GUCY1A2: variants seen among roughly 807,000 people sequenced by gnomAD.
The protein encoded by GUCY1A2 is guanylate cyclase 1 soluble subunit alpha 2, also known as guanylate cyclase soluble subunit alpha-2.
GUCY1A2 carries 27 observed loss-of-function variants against 63.5 expected under a neutral mutation model. The ratio of observed to expected loss-of-function variants is 0.43; its 90% confidence interval spans 0.31 to 0.59. The LOEUF (loss-of-function observed/expected upper bound fraction) is 0.59. Among genes scored for constraint, GUCY1A2 ranks in the 20% least tolerant of loss-of-function variants. The pLI is 0.11. For synonymous variants in GUCY1A2, 364 were observed against 343.5 expected (o/e 1.06, Z -0.66); for missense variants, 768 against 913.3 (o/e 0.84, Z 2.05).
chr11:106,902,917 T>C (rs1315595785), intron 4 of GUCY1A2, among the ~76,000 whole-genome samples: 1 of 152,182 alleles, frequency 6.6e-6, no homozygotes, highest in Admixed American at 6.5e-5. Flanking sequence ...TCCGTGGATT[T>C]TGGCACCCAT....
chr11:106,985,559 T>C (rs919560115), intron 2 of GUCY1A2, among the ~76,000 whole-genome samples: 15 of 152,226 alleles, frequency 9.9e-5, no homozygotes, highest in African/African-American at 3.4e-4. Context: ...GTCCTGTCTT[T>C]TGACATCAAG....
Position 106,681,418 on chromosome 11 carries a change from A to G in GUCY1A2, c.*6131T>C, listed in dbSNP as rs1049152921. 4 of 225,060 alleles carry G rather than the reference A, an allele frequency of 1.8e-5. No homozygotes were observed. The highest frequency in any genetic ancestry group is 2.7e-5 in the Non-Finnish European group (3 of 112,952). The allele number at this position is 225,060 out of a possible 1,614,324, so 13.9% of individuals were successfully genotyped here. On this transcript the variant is annotated 3_prime_UTR_variant, in exon 8 of 8. Transcript: ENST00000526355. ...ACTTCCACTCATTTATCCATCCTTA[A>G]CTTCTTCCTTACTATTATATACTAC...
In GUCY1A2 at chr11:106,845,226, G is replaced by A. The variant is rs192433625; in HGVS notation, c.1207-34748C>T. On this transcript the variant is annotated intron_variant, in intron 4 of 7. Coordinates refer to ENST00000526355, the MANE Select transcript of GUCY1A2 (RefSeq NM_000855.3). Reference sequence around the variant, plus strand: ...ATGGCTTATGTTTCATAGAATTAATGTTTTCTTCTTAATTAAAATAAAACA... The same window carrying A: ...ATGGCTTATGTTTCATAGAATTAATATTTTCTTCTTAATTAAAATAAAACA... Among the ~76,000 whole-genome samples the A allele has an allele frequency of 4.9e-4, 74 of 151,040 alleles. 1 individual carries two copies. The highest frequency in any genetic ancestry group is 9.2e-4 in the Non-Finnish European group (62 of 67,558).
rs1383821691 is a variant in GUCY1A2, at chr11:106,978,721, T to A, written c.385A>T (p.Asn129Tyr). The A allele has an allele frequency of 6.3e-7, 1 of 1,596,742 alleles. No homozygotes were observed. Among genetic ancestry groups the A allele is most frequent in the Non-Finnish European group, 8.5e-7 (1 of 1,172,404 alleles). Residue 129 changes from asparagine to tyrosine, a missense_variant, in exon 3 of 8, where the codon AAT becomes TAT. Asn to Tyr is a moderately radical substitution (Grantham distance 143). Around this residue, in one of 3 missense-constraint regions of GUCY1A2, gnomAD observed 496 missense variants for 486.9 expected, o/e 1.02. Transcript: ENST00000526355. ...QVIGYRDAEK[N>Y]FHNISNRCSY... is the part of the protein sequence containing the mutation. Reference sequence around the variant, plus strand: ...CATCTGTTAGAGATATTGTGGAAATTCTTTTCTGCATCCCTGTAACTAAGA... The same window carrying A: ...CATCTGTTAGAGATATTGTGGAAATACTTTTCTGCATCCCTGTAACTAAGA...
At chr11:106,916,222 T>C (rs1370886404) in intron 4 of GUCY1A2, among the ~76,000 whole-genome samples, 1 of 145,922 alleles carries the variant, frequency 6.9e-6, no homozygotes, top group African/African-American at 2.4e-5. Flanking sequence ...GAATCATAAA[T>C]GACAACAGCT....
At chr11:106,926,730 G>A (rs1398845275) in intron 4 of GUCY1A2, among the ~76,000 whole-genome samples, 2 of 151,864 alleles carry the variant, frequency 1.3e-5, no homozygotes, top group African/African-American at 2.4e-5. Context: ...GCAGTGCCCC[G>A]GAGGTCACAC....
chr11:106,772,671 G>A (rs1352084056), intron 6 of GUCY1A2, among the ~76,000 whole-genome samples: 1 of 152,074 alleles, frequency 6.6e-6, no homozygotes, highest in Non-Finnish European at 1.5e-5. Flanking sequence ...TGAACACACT[G>A]TAAAACACAA....
intron 4 of GUCY1A2, among the ~76,000 whole-genome samples, chr11:106,880,849 T>C (rs1176902971): frequency 6.6e-6 from 1 of 152,116 alleles, no homozygotes; most frequent in Admixed American, 6.6e-5. Flanking sequence ...TTGTGATTGT[T>C]TGTTTTGGTT....
intron 7 of GUCY1A2, among the ~76,000 whole-genome samples, chr11:106,695,110 T>C (rs1320606229): frequency 7.9e-5 from 12 of 152,158 alleles, no homozygotes; most frequent in Admixed American, 7.9e-4. Flanking sequence ...AGCTTTCTTT[T>C]AGACATTAAG....
At chr11:106,894,152 G>A (rs1591317075) in intron 4 of GUCY1A2, among the ~76,000 whole-genome samples, 1 of 152,276 alleles carries the variant, frequency 6.6e-6, no homozygotes, top group Middle Eastern at 3.4e-3. Context: ...CATGGAGGAA[G>A]AGAAATACCC....
intron 1 of GUCY1A2, among the ~76,000 whole-genome samples, chr11:107,000,037 A>G (rs2120179172): frequency 6.6e-6 from 1 of 152,312 alleles, no homozygotes; most frequent in East Asian, 1.9e-4. Context: ...CTCCTCCACC[A>G]CAATTCATAT....
chr11:106,769,050 A>G (rs907019609), intron 6 of GUCY1A2, among the ~76,000 whole-genome samples: 1 of 152,180 alleles, frequency 6.6e-6, no homozygotes, highest in Non-Finnish European at 1.5e-5. Flanking sequence ...AGTCTCTTTC[A>G]AGAAGCACAC....
rs1283380500 is a variant in GUCY1A2, at chr11:106,683,421, C to CA, written c.*4127dup. The CA allele has an allele frequency of 1.3e-5, 3 of 225,836 alleles. No homozygotes were observed. The highest frequency in any genetic ancestry group is 2.6e-5 in the Non-Finnish European group (3 of 113,428). 14.0% of individuals were successfully genotyped at this position (225,836 alleles called of 1,614,324 possible). On this transcript the variant is annotated 3_prime_UTR_variant, in exon 8 of 8. Transcript: ENST00000526355. ...TGAAGCTGTATGAAGTGCTTGGAGT[C>CA]AGACTGTGTTTTGAAGAAAGAGCAG...
intron 5 of GUCY1A2, among the ~76,000 whole-genome samples, chr11:106,793,982 A>G (rs1864708730): frequency 6.6e-6 from 1 of 152,120 alleles, no homozygotes. Context: ...ATTTTCAGCA[A>G]CTCCACTTCT....
chr11:106,681,114 C>A lies in GUCY1A2; in HGVS notation c.*6435G>T, dbSNP rs1862424979. The A allele has an allele frequency of 4.8e-6, 1 of 210,406 alleles. No individual in the cohort carries two copies. Among genetic ancestry groups the A allele is most frequent in the Admixed American group, 5.9e-5 (1 of 17,018 alleles). The allele number at this position is 210,406 out of a possible 1,614,324, so 13.0% of individuals were successfully genotyped here. ...ATTTTTTCATTTCGAAATCTGAAAG[C>A]TTTAGTGTTTTTTCAGTATTACTGA... On this transcript the variant is annotated 3_prime_UTR_variant, in exon 8 of 8. Transcript: ENST00000526355.
chr11:107,016,681 A>G (rs1488322062), intron 1 of GUCY1A2, among the ~76,000 whole-genome samples: 2 of 152,244 alleles, frequency 1.3e-5, no homozygotes, highest in African/African-American at 2.4e-5. Flanking sequence ...AATTGAAGAG[A>G]GAGTAAAGGA....
intron 6 of GUCY1A2, among the ~76,000 whole-genome samples, chr11:106,722,016 G>C (rs957397660): frequency 6.6e-6 from 1 of 152,140 alleles, no homozygotes; most frequent in African/African-American, 2.4e-5. Flanking sequence ...AGTGGATTTT[G>C]TATTGAGTAG....
In GUCY1A2 at chr11:106,947,564, G is replaced by C. The variant is rs1457799111; in HGVS notation, c.488-7386C>G. On this transcript the variant is annotated intron_variant, in intron 3 of 7. Transcript: ENST00000526355. ...TCAAAACATTTGTATATGTACATAT[G>C]TATTATATGTATGTAAAATTACAAA... Among the ~76,000 whole-genome samples the C allele has an allele frequency of 7.2e-5, 11 of 152,056 alleles. No homozygotes were observed. The South Asian group carries it at 8.3e-4, about 11-fold the overall frequency.
At chr11:106,839,402 C>T (rs567287155) in intron 4 of GUCY1A2, among the ~76,000 whole-genome samples, 3 of 151,972 alleles carry the variant, frequency 2.0e-5, no homozygotes, top group South Asian at 4.2e-4. Context: ...CACTTTTACA[C>T]TGTTGGTGGG....
Sources: gnomAD v4.1 joint callset for allele counts (sites outside exome capture counted in the v4.1 genomes callset) on GRCh38, gnomAD v4.1.1 for gene constraint, gnomAD v4.1.1 regional missense constraint, MANE v1.5 for transcripts, NCBI Gene and HGNC (gene_info 2026-07-23, HGNC 2026-07-21) for gene names.